ATP1B1: variants seen among roughly 807,000 people sequenced by gnomAD.
The protein encoded by ATP1B1 is ATPase Na+/K+ transporting subunit beta 1, also known as sodium/potassium-transporting ATPase subunit beta-1.
In ATP1B1, 3 loss-of-function variants were observed where a neutral mutation model predicts 39.6. The observed-to-expected ratio is 0.08, with a 90% CI of 0.03 to 0.20. ATP1B1 has a LOEUF of 0.20. Among genes scored for constraint, ATP1B1 ranks in the 10% least tolerant of loss-of-function variants. The probability of loss-of-function intolerance (pLI) is 1.00; values close to 1 mark genes in which losing one functional copy is unlikely to be tolerated. For synonymous variants in ATP1B1, 139 were observed against 135.0 expected (o/e 1.03, Z -0.20); for missense variants, 216 against 371.1 (o/e 0.58, Z 3.43).
At chr1:169,122,158 T>G (rs1012910454) in intron 2 of ATP1B1, among the ~76,000 whole-genome samples, 4 of 152,214 alleles carry the variant, frequency 2.6e-5, no homozygotes, top group African/African-American at 9.6e-5. Flanking sequence ...TGTCTCTCTC[T>G]CTGGCTGCCT....
chr1:169,132,057 C>CTTTTTT lies in ATP1B1; in HGVS notation c.*502_*503insTTTTTT. The CTTTTTT allele has an allele frequency of 7.6e-6, 1 of 132,230 alleles. No homozygotes were observed. The highest frequency in any genetic ancestry group is 1.5e-5 in the Non-Finnish European group (1 of 66,166). 8.2% of individuals were successfully genotyped at this position (132,230 alleles called of 1,614,324 possible). A position where few individuals can be genotyped will look rare whatever the true frequency, so the allele number is the denominator to read the frequency against. ...TTTTTTTTTTGTTTTTTGGCTCTTT[C>CTTTTTT]AAAGGTAATGGCCCATCGATGAGCA... On this transcript the variant is annotated 3_prime_UTR_variant, in exon 6 of 6. Transcript: ENST00000367815.
Position 169,131,296 on chromosome 1 carries a change from A to T in ATP1B1, c.653A>T (p.Asp218Val). Residue 218 changes from aspartate (D) to valine (V), a missense_variant, in exon 6 of 6, where the codon GAT (aspartate) becomes GTT (valine). Transcript: ENST00000367815. The surrounding 1 kb of genome is among the most constrained non-coding windows in gnomAD (Gnocchi z 4.4). Reference sequence around the variant, plus strand: ...TCATTTCATTCTGGATTTCAGCGAGATGAAGATAAGGATAAAGTTGGAAAT... The same window carrying T: ...TCATTTCATTCTGGATTTCAGCGAGTTGAAGATAAGGATAAAGTTGGAAAT... ...VLPVQCTGKR[D>V]EDKDKVGNVE... 1 of 1,612,602 alleles carries T rather than the reference A, an allele frequency of 6.2e-7. No individual in the cohort carries two copies. Among genetic ancestry groups the T allele is most frequent in the Non-Finnish European group, 8.5e-7 (1 of 1,178,940 alleles).
chr1:169,126,998 G>A (rs1433243885), intron 3 of ATP1B1, among the ~76,000 whole-genome samples: 1 of 152,144 alleles, frequency 6.6e-6, no homozygotes, highest in Non-Finnish European at 1.5e-5. Flanking sequence ...ATGAAGCTTT[G>A]GTGTGGGGCC....
chr1:169,106,790 C>T lies in ATP1B1; in HGVS notation c.-40C>T, dbSNP rs933729542. On this transcript the variant is annotated 5_prime_UTR_variant, in exon 1 of 6. Transcript: ENST00000367815. ...ACGCCAGGGCGCGCGCCGCAGCCAC[C>T]CACCCTCCGGACCGCGGCAGCTGCT... 1 of 1,533,308 alleles carries T rather than the reference C, an allele frequency of 6.5e-7. No individual in the cohort carries two copies. Among genetic ancestry groups the T allele is most frequent in the Non-Finnish European group, 8.8e-7 (1 of 1,135,392 alleles). The allele number at this position is 1,533,308 out of a possible 1,614,324, so 95.0% of individuals were successfully genotyped here.
At position 169,124,952 on chromosome 1, in the gene ATP1B1, G is replaced by C. The variant is rs1464654015; in HGVS notation, c.295G>C (p.Glu99Gln). Residue 99 changes from glutamate to glutamine, a missense_variant, in exon 3 of 6, where the codon GAG becomes CAG. Coordinates refer to ENST00000367815, the MANE Select transcript of ATP1B1 (RefSeq NM_001677.4). ...TCGTCCTAATGATCCCAAGAGCTAT[G>C]AGGCATATGTACTGAACATAGTTAG... Reference protein sequence around the residue: ...SFRPNDPKSYEAYVLNIVRFL... With the variant: ...SFRPNDPKSYQAYVLNIVRFL... 1.2e-6 allele frequency: 2 copies of C among 1,614,046 alleles called. No homozygotes were observed. Among genetic ancestry groups the C allele is most frequent in the Non-Finnish European group, 1.7e-6 (2 of 1,179,964 alleles).
At chr1:169,110,133 C>A (rs1248389056) in intron 1 of ATP1B1, among the ~76,000 whole-genome samples, 1 of 152,062 alleles carries the variant, frequency 6.6e-6, no homozygotes, top group Non-Finnish European at 1.5e-5. Context: ...CTTGTTTTAA[C>A]AGCTCTGTAG....
intron 2 of ATP1B1, among the ~76,000 whole-genome samples, chr1:169,122,720 G>T (rs1658004028): frequency 7.0e-6 from 1 of 142,364 alleles, no homozygotes; most frequent in Admixed American, 7.0e-5. Context: ...TAATTCTTCA[G>T]GTTCTACATC....
At chr1:169,113,205 A>T (rs1363756655) in intron 2 of ATP1B1, among the ~76,000 whole-genome samples, 2 of 152,012 alleles carry the variant, frequency 1.3e-5, no homozygotes, top group South Asian at 2.1e-4. Context: ...AGCTGGGATT[A>T]TAGGCATGCA....
chr1:169,132,668 TG>T lies in ATP1B1; in HGVS notation c.*1114del. The T allele has an allele frequency of 1.1e-6, 1 of 926,402 alleles. No individual in the cohort carries two copies. Among genetic ancestry groups the T allele is most frequent in the Non-Finnish European group, 1.7e-6 (1 of 598,848 alleles). The allele number at this position is 926,402 out of a possible 1,614,324, so 57.4% of individuals were successfully genotyped here. A position where few individuals can be genotyped will look rare whatever the true frequency, so the allele number is the denominator to read the frequency against. ...ATTGCCAGGAGTACAGTGCTCTTGT[TG>T]ATCTTGTATTCAGTCAGGTTAAAAC... On this transcript the variant is annotated 3_prime_UTR_variant, in exon 6 of 6. Coordinates refer to ENST00000367815, the MANE Select transcript of ATP1B1 (RefSeq NM_001677.4).
intron 2 of ATP1B1, among the ~76,000 whole-genome samples, chr1:169,118,895 A>C (rs1000131391): frequency 6.6e-6 from 1 of 152,204 alleles, no homozygotes; most frequent in Non-Finnish European, 1.5e-5. Context: ...CTAGTGATTT[A>C]TCAGATGTAT....
At chr1:169,113,071 CT>C (rs1052393547) in intron 2 of ATP1B1, among the ~76,000 whole-genome samples, 147 of 137,762 alleles carry the variant, frequency 1.1e-3, no homozygotes, top group Middle Eastern at 3.8e-3. Flanking sequence ...TTTTATAATT[CT>C]TTTTTTTTTT....
chr1:169,107,905 TCATC>T (rs1657639379), intron 1 of ATP1B1: 1 of 152,462 alleles, frequency 6.6e-6, no homozygotes, highest in African/African-American at 2.4e-5. Flanking sequence ...ATCATCATCA[TCATC>T]ATGACCATCA....
chr1:169,108,823 A>G (rs779477905), intron 1 of ATP1B1, among the ~76,000 whole-genome samples: 13 of 152,046 alleles, frequency 8.6e-5, no homozygotes, highest in Non-Finnish European at 1.8e-4. Context: ...CTTCCCTTCC[A>G]TGTTCCACGG....
intron 1 of ATP1B1, 24 bp downstream of exon 1, chr1:169,106,950 C>G (rs751470349): frequency 6.4e-7 from 1 of 1,556,980 alleles, no homozygotes; most frequent in Admixed American, 1.9e-5. Context: ...CCGCAGCTCC[C>G]GGCCGCCGCG....
intron 3 of ATP1B1, among the ~76,000 whole-genome samples, chr1:169,126,145 T>C (rs370421125): frequency 2.0e-5 from 3 of 152,168 alleles, no homozygotes; most frequent in African/African-American, 7.2e-5. Flanking sequence ...TTTGGAAATA[T>C]TTAGTAACTT....
In ATP1B1 at chr1:169,132,123, CTTTATT is replaced by C. The variant is rs1322002411; in HGVS notation, c.*578_*583del. The C allele has an allele frequency of 1.1e-5, 4 of 374,882 alleles. No individual in the cohort carries two copies. Among genetic ancestry groups the C allele is most frequent in the Admixed American group, 3.2e-5 (1 of 31,440 alleles). 23.2% of individuals were successfully genotyped at this position (374,882 alleles called of 1,614,324 possible). A position where few individuals can be genotyped will look rare whatever the true frequency, so the allele number is the denominator to read the frequency against. On this transcript the variant is annotated 3_prime_UTR_variant, in exon 6 of 6. Transcript: ENST00000367815. Reference sequence around the variant, plus strand: ...ATAGTCTTTTCCTGTGGTGTTAGGTCTTTATTTTTATTTTTTTCCTGGGGGCTGGGG... The same window carrying C: ...ATAGTCTTTTCCTGTGGTGTTAGGTCTTTATTTTTTTCCTGGGGGCTGGGG...
At chr1:169,127,154 A>T in intron 3 of ATP1B1, 70 bp from the exon 4 acceptor site, 2 of 1,456,642 alleles carry the variant, frequency 1.4e-6, no homozygotes, top group Non-Finnish European at 1.8e-6. Context: ...GACAAGGAAG[A>T]CAGTTTCTTT....
At chr1:169,129,302 T>A (rs766817474) in intron 4 of ATP1B1, among the ~76,000 whole-genome samples, 1 of 152,204 alleles carries the variant, frequency 6.6e-6, no homozygotes, top group Non-Finnish European at 1.5e-5. Flanking sequence ...AGTATGTTCA[T>A]CACACTTCTG....
At position 169,130,081 on chromosome 1, in the gene ATP1B1, C is replaced by T; in HGVS notation, c.639C>T (p.Cys213=). ...KYNPNVLPVQ[C]TGKRDEDKDK... Reference sequence around the variant, plus strand: ...ACCCAAATGTCCTTCCCGTTCAGTGCACTGGCAAGGTAAAGACAAATTTAG... The same window carrying T: ...ACCCAAATGTCCTTCCCGTTCAGTGTACTGGCAAGGTAAAGACAAATTTAG... Residue 213 remains cysteine (C), a synonymous_variant, in exon 5 of 6, where the codon TGC becomes TGT. Coordinates refer to ENST00000367815, the MANE Select transcript of ATP1B1 (RefSeq NM_001677.4). The T allele has an allele frequency of 6.2e-7, 1 of 1,613,676 alleles. No homozygotes were observed. The highest frequency in any genetic ancestry group is 8.5e-7 in the Non-Finnish European group (1 of 1,179,786).
Sources: gnomAD v4.1 joint callset for allele counts (sites outside exome capture counted in the v4.1 genomes callset) on GRCh38, gnomAD v4.1.1 for gene constraint, Gnocchi (gnomAD v3.1) non-coding constraint, MANE v1.5 for transcripts, NCBI Gene and HGNC (gene_info 2026-07-23, HGNC 2026-07-21) for gene names.